Variants in ST6GALNAC3 observed in about 807,000 individuals in gnomAD.
ST6GALNAC3 encodes alpha-N-acetylgalactosaminide alpha-2,6-sialyltransferase 3.
In ST6GALNAC3, 25 loss-of-function variants were observed where a neutral mutation model predicts 32.7. The observed-to-expected ratio is 0.76, with a 90% CI of 0.56 to 1.07. The LOEUF is 1.07. Among genes scored for constraint, ST6GALNAC3 ranks in the 50% least tolerant of loss-of-function variants. ST6GALNAC3 has a pLI of 0.00. For missense variants in ST6GALNAC3, 355 were observed against 382.4 expected (o/e 0.93, Z 0.60); for synonymous variants, 129 against 133.1 (o/e 0.97, Z 0.21).
rs779446833 is a variant in ST6GALNAC3 at position 76,313,933 on chromosome 1, A to G, written c.147A>G (p.Pro49=). The change falls in exon 2 of 5, where the codon CCA becomes CCG. Residue 49 remains proline, a synonymous_variant. Transcript: ENST00000328299. ...GACAACCTGGTACAAAGTGGATACC[A>G]TTCTCCTACACATACAGGCGGCCCC... ...CFGQPGTKWI[P]FSYTYRRPLR... The G allele has an allele frequency of 3.7e-6, 6 of 1,613,544 alleles. No individual in the cohort carries two copies. The highest frequency in any genetic ancestry group is 1.7e-4 in the Middle Eastern group (1 of 6,056).
rs371264816 is a variant in ST6GALNAC3 at position 76,628,662 on chromosome 1, A to C, written c.774A>C (p.Gln258His). 39 of 1,611,580 alleles carry C rather than the reference A, an allele frequency of 2.4e-5. No homozygotes were observed. Among genetic ancestry groups the C allele is most frequent in the Non-Finnish European group, 3.3e-5 (39 of 1,178,908 alleles). ...YRKVPYHYYE[Q>H]GRDECDEYFL... Reference sequence around the variant, plus strand: ...AAGTCCCCTACCATTATTATGAACAAGGAAGAGATGAGTGTGATGAATATT... The same window carrying C: ...AAGTCCCCTACCATTATTATGAACACGGAAGAGATGAGTGTGATGAATATT... The change falls in exon 5 of 5, where the codon CAA (glutamine) becomes CAC (histidine). Residue 258 changes from glutamine (Q) to histidine (H), a missense_variant. Gln to His is a conservative substitution (Grantham distance 24). Transcript: ENST00000328299.
intron 3 of ST6GALNAC3, among the ~76,000 whole-genome samples, chr1:76,616,503 G>A (rs149401938): frequency 7.2e-5 from 11 of 152,288 alleles, no homozygotes; most frequent in South Asian, 4.1e-4. Context: ...GAATTTTCTT[G>A]TGCTGGAGTA....
chr1:76,386,961 T>A (rs1234937224), intron 2 of ST6GALNAC3, among the ~76,000 whole-genome samples: 1 of 152,178 alleles, frequency 6.6e-6, no homozygotes, highest in Non-Finnish European at 1.5e-5. Context: ...ATACTGGGAC[T>A]CATTTTACCC....
At chr1:76,525,900 G>T (rs1662884594) in intron 3 of ST6GALNAC3, among the ~76,000 whole-genome samples, 1 of 145,126 alleles carries the variant, frequency 6.9e-6, no homozygotes, top group Admixed American at 7.1e-5. Flanking sequence ...ATTACCAAAT[G>T]CTTCAGATGG....
chr1:76,284,997 C>A (rs1387590262), intron 1 of ST6GALNAC3, among the ~76,000 whole-genome samples: 1 of 152,056 alleles, frequency 6.6e-6, no homozygotes, highest in Admixed American at 6.5e-5. Context: ...CTGCCTTCAC[C>A]CAGCCAGCTC....
chr1:76,201,894 A>G (rs887227374), intron 1 of ST6GALNAC3, among the ~76,000 whole-genome samples: 3 of 152,114 alleles, frequency 2.0e-5, no homozygotes, highest in African/African-American at 7.2e-5. Context: ...AAGAACCCCT[A>G]TGTACACAGC....
At chr1:76,515,169 T>C (rs1486425799) in intron 3 of ST6GALNAC3, among the ~76,000 whole-genome samples, 1 of 152,086 alleles carries the variant, frequency 6.6e-6, no homozygotes, top group Admixed American at 6.6e-5. Flanking sequence ...TGATGGAGGG[T>C]ATTTTATTAC....
chr1:76,483,776 T>G (rs1423117523), intron 3 of ST6GALNAC3, among the ~76,000 whole-genome samples: 1 of 152,244 alleles, frequency 6.6e-6, no homozygotes, highest in African/African-American at 2.4e-5. Context: ...TCTTTGTGTT[T>G]TAGACATGAA....
intron 1 of ST6GALNAC3, among the ~76,000 whole-genome samples, chr1:76,200,600 C>T (rs991714426): frequency 7.2e-5 from 11 of 152,036 alleles, no homozygotes; most frequent in Non-Finnish European, 1.3e-4. Context: ...AAAACAAGCC[C>T]TTGTACATAA....
chr1:76,429,158 AC>A (rs1444043366), intron 3 of ST6GALNAC3, among the ~76,000 whole-genome samples: 1 of 152,106 alleles, frequency 6.6e-6, no homozygotes. Context: ...TTTGTTTTTA[AC>A]AATAGAATTG....
chr1:76,537,370 C>A (rs1017533727), intron 3 of ST6GALNAC3, among the ~76,000 whole-genome samples: 7 of 152,168 alleles, frequency 4.6e-5, no homozygotes, highest in Admixed American at 2.6e-4. Context: ...TATCAGAAAG[C>A]TAAAAAGATC....
chr1:76,409,135 T>C (rs1654039351), intron 2 of ST6GALNAC3, among the ~76,000 whole-genome samples: 2 of 152,168 alleles, frequency 1.3e-5, no homozygotes, highest in Non-Finnish European at 2.9e-5. Context: ...TGGTCACTGG[T>C]GAAGTCTTCA....
chr1:76,108,648 C>A (rs1274279167), intron 1 of ST6GALNAC3, among the ~76,000 whole-genome samples: 1 of 152,170 alleles, frequency 6.6e-6, no homozygotes, highest in African/African-American at 2.4e-5. Flanking sequence ...AAGGATCAGT[C>A]TTTACAGGAG....
At chr1:76,105,394 A>G (rs149897422) in intron 1 of ST6GALNAC3, among the ~76,000 whole-genome samples, 1 of 152,314 alleles carries the variant, frequency 6.6e-6, no homozygotes, top group East Asian at 1.9e-4. Flanking sequence ...TCAGTGAGCT[A>G]TTGTTAAATG....
At chr1:76,279,213 G>T (rs544676037) in intron 1 of ST6GALNAC3, among the ~76,000 whole-genome samples, 121 of 152,312 alleles carry the variant, frequency 7.9e-4, no homozygotes, top group Non-Finnish European at 1.0e-3. Flanking sequence ...GCAGCAGTCT[G>T]TGTGGAGTCA....
At chr1:76,131,163 G>T (rs1649585589) in intron 1 of ST6GALNAC3, among the ~76,000 whole-genome samples, 1 of 152,188 alleles carries the variant, frequency 6.6e-6, no homozygotes, top group Non-Finnish European at 1.5e-5. Context: ...ATACTCTGTT[G>T]ATTTTATGCT....
At chr1:76,562,016 C>T (rs980721205) in intron 3 of ST6GALNAC3, among the ~76,000 whole-genome samples, 1 of 152,102 alleles carries the variant, frequency 6.6e-6, no homozygotes, top group African/African-American at 2.4e-5. Flanking sequence ...TTATATAATT[C>T]TATTTATATG....
At chr1:76,427,565 C>T (rs1338181308) in intron 3 of ST6GALNAC3, among the ~76,000 whole-genome samples, 2 of 152,018 alleles carry the variant, frequency 1.3e-5, no homozygotes, top group African/African-American at 4.8e-5. Context: ...ACATATCTAT[C>T]GAGAACCTGG....
chr1:76,134,300 T>C (rs1041374325), intron 1 of ST6GALNAC3, among the ~76,000 whole-genome samples: 1 of 152,244 alleles, frequency 6.6e-6, no homozygotes, highest in Non-Finnish European at 1.5e-5. Context: ...TCCTTACTCA[T>C]TGAAACTGAG....
Sources: allele counts gnomAD v4.1 joint callset (sites outside exome capture counted in the v4.1 genomes callset), GRCh38; gene constraint gnomAD v4.1.1; transcripts MANE v1.5; gene names NCBI Gene and HGNC (gene_info 2026-07-23, HGNC 2026-07-21).